Variants in ZC3H12B observed in about 807,000 individuals in gnomAD.
ZC3H12B encodes probable ribonuclease ZC3H12B.
ZC3H12B carries 7 observed loss-of-function variants against 43.9 expected under a neutral mutation model. The observed-to-expected ratio is 0.16, with a 90% CI of 0.09 to 0.30. The LOEUF is 0.30. ZC3H12B is among the 10% of genes least tolerant of loss of function. ZC3H12B has a pLI of 1.00. For missense variants in ZC3H12B, 475 were observed against 670.2 expected (o/e 0.71, Z 3.22); for synonymous variants, 222 against 241.7 (o/e 0.92, Z 0.76).
chrX:65,182,091 T>A, the ZC3H12B span, among the ~76,000 whole-genome samples: 1 of 111,758 alleles, frequency 8.9e-6, no homozygotes, highest in Non-Finnish European at 1.9e-5. Context: ...AATGAGTTCA[T>A]GTCTTTTGCC....
the ZC3H12B span, among the ~76,000 whole-genome samples, chrX:65,066,814 C>T: frequency 1.8e-5 from 2 of 112,100 alleles, no homozygotes; most frequent in Admixed American, 9.4e-5. Flanking sequence ...GGGGCTGCTG[C>T]CTTTCTTTCA....
the ZC3H12B span, among the ~76,000 whole-genome samples, chrX:65,282,302 C>CA: frequency 1.7e-4 from 19 of 109,061 alleles, no homozygotes; most frequent in Non-Finnish European, 3.6e-4. Flanking sequence ...AAGAAACCAA[C>CA]AAAAAAAAGA....
chrX:65,237,882 T>C, the ZC3H12B span, among the ~76,000 whole-genome samples: 2 of 112,036 alleles, frequency 1.8e-5, no homozygotes, highest in Admixed American at 9.5e-5. Flanking sequence ...TTAATGTATG[T>C]TGAACCAACC....
At chrX:65,162,134 C>T in the ZC3H12B span, among the ~76,000 whole-genome samples, 1 of 111,742 alleles carries the variant, frequency 8.9e-6, no homozygotes, top group African/African-American at 3.3e-5. Context: ...GCCACGAGAT[C>T]AGCTGTTAGT....
the ZC3H12B span, among the ~76,000 whole-genome samples, chrX:65,097,996 A>T: frequency 9.0e-6 from 1 of 111,361 alleles, no homozygotes; most frequent in Non-Finnish European, 1.9e-5. Context: ...GAGCTGCTTA[A>T]GGGCTGTTTG....
the ZC3H12B span, among the ~76,000 whole-genome samples, chrX:65,238,246 G>T: frequency 9.0e-6 from 1 of 111,707 alleles, no homozygotes; most frequent in Non-Finnish European, 1.9e-5. Flanking sequence ...TTGGTTGGTA[G>T]GCTACTTATT....
chrX:65,099,087 G>A, the ZC3H12B span, among the ~76,000 whole-genome samples: 1 of 111,319 alleles, frequency 9.0e-6, no homozygotes, highest in African/African-American at 3.3e-5. Context: ...AGGTGGCTTT[G>A]CCATGACCTT....
At chrX:65,459,024 G>GA (rs1245967472) in intron 3 of ZC3H12B, among the ~76,000 whole-genome samples, 1 of 109,465 alleles carries the variant, frequency 9.1e-6, no homozygotes, top group Admixed American at 9.7e-5. Context: ...ATGATAATGG[G>GA]ATATCACCAC....
At chrX:65,207,500 A>G in the ZC3H12B span, among the ~76,000 whole-genome samples, 1 of 110,334 alleles carries the variant, frequency 9.1e-6, no homozygotes, top group Non-Finnish European at 1.9e-5. Context: ...GTGGGAAGGG[A>G]GTGAGGGATA....
At chrX:65,382,900 T>C (rs2066464178) in intron 2 of ZC3H12B, among the ~76,000 whole-genome samples, 1 of 110,817 alleles carries the variant, frequency 9.0e-6, no homozygotes, top group African/African-American at 3.3e-5. Context: ...TTACAAGGGA[T>C]GTGAAGGACC....
At chrX:65,388,955 A>G (rs2066570932) in intron 2 of ZC3H12B, among the ~76,000 whole-genome samples, 1 of 111,447 alleles carries the variant, frequency 9.0e-6, no homozygotes, top group Admixed American at 9.5e-5. Flanking sequence ...AACAGCGGAT[A>G]TTGGTGAGCA....
At chrX:65,085,730 C>A in the ZC3H12B span, among the ~76,000 whole-genome samples, 1 of 109,331 alleles carries the variant, frequency 9.1e-6, no homozygotes, top group African/African-American at 3.3e-5. Context: ...TATGATTGTG[C>A]CATTTCACTT....
intron 3 of ZC3H12B, among the ~76,000 whole-genome samples, chrX:65,463,903 C>T (rs991908038): frequency 2.7e-5 from 3 of 110,792 alleles, no homozygotes; most frequent in Non-Finnish European, 5.7e-5. Flanking sequence ...CCAGTTTTGC[C>T]AAGCTGTATC....
At chrX:65,185,809 C>T in the ZC3H12B span, 1 of 111,249 alleles carries the variant, frequency 9.0e-6, no homozygotes, top group African/African-American at 3.3e-5. Flanking sequence ...AATAAAGTAT[C>T]TATTGCACCA....
chrX:65,343,787 T>A, the ZC3H12B span, among the ~76,000 whole-genome samples: 1 of 111,687 alleles, frequency 9.0e-6, no homozygotes, highest in Non-Finnish European at 1.9e-5. Flanking sequence ...CCCTCTGTCA[T>A]CACTCCTATT....
At chrX:65,274,296 G>A in the ZC3H12B span, among the ~76,000 whole-genome samples, 61 of 111,422 alleles carry the variant, frequency 5.5e-4, no homozygotes, top group African/African-American at 1.9e-3. Context: ...AGCCCAGGAT[G>A]TGCACTTCCC....
the ZC3H12B span, among the ~76,000 whole-genome samples, chrX:65,293,255 T>C: frequency 4.5e-5 from 5 of 110,114 alleles, no homozygotes; most frequent in African/African-American, 1.7e-4. Flanking sequence ...GAAATAACAA[T>C]CACTGTGGTT....
chrX:65,258,933 G>A, the ZC3H12B span, among the ~76,000 whole-genome samples: 5 of 111,720 alleles, frequency 4.5e-5, no homozygotes, highest in East Asian at 1.1e-3. Context: ...CAAATCAATG[G>A]AGAAGCATTC....
the ZC3H12B span, among the ~76,000 whole-genome samples, chrX:65,342,359 T>A: frequency 8.9e-6 from 1 of 111,764 alleles, no homozygotes. Flanking sequence ...GTAGATACAT[T>A]ATTCTCATCT....
Sources: allele counts gnomAD v4.1 joint callset (sites outside exome capture counted in the v4.1 genomes callset), GRCh38; gene constraint gnomAD v4.1.1; transcripts MANE v1.5; gene names NCBI Gene and HGNC (gene_info 2026-07-23, HGNC 2026-07-21).